The following PCSK2 variants were observed in gnomAD, a reference collection of about 807,000 sequenced individuals.
The protein encoded by PCSK2 is proprotein convertase subtilisin/kexin type 2.
A neutral mutation model predicts 69.7 loss-of-function variants in PCSK2; 14 were observed. The observed-to-expected ratio is 0.20, with a 90% CI of 0.13 to 0.31. PCSK2 has a LOEUF of 0.31. PCSK2 is among the 10% of genes least tolerant of loss of function. The pLI, the probability that PCSK2 is intolerant of heterozygous loss-of-function variation, is 1.00. For missense variants in PCSK2, 544 were observed against 842.5 expected (o/e 0.65, Z 4.39); for synonymous variants, 307 against 320.7 (o/e 0.96, Z 0.46).
At chr20:17,399,092 G>A (rs773908450) in intron 5 of PCSK2, among the ~76,000 whole-genome samples, 1 of 152,218 alleles carries the variant, frequency 6.6e-6, no homozygotes, top group Admixed American at 6.5e-5. Flanking sequence ...GAATGGAAAT[G>A]TTTGAAGTCA....
chr20:17,241,857 A>T (rs1020495806), intron 1 of PCSK2, among the ~76,000 whole-genome samples: 1 of 152,232 alleles, frequency 6.6e-6, no homozygotes, highest in South Asian at 2.1e-4. Flanking sequence ...TAGCTCACCT[A>T]ATAGGCACAT....
intron 1 of PCSK2, among the ~76,000 whole-genome samples, chr20:17,258,405 G>A (rs974589651): frequency 4.6e-5 from 7 of 152,084 alleles, no homozygotes; most frequent in African/African-American, 1.7e-4. Context: ...TTCTATAGCA[G>A]TAGATTTTTG....
chr20:17,265,400 G>T (rs1384590804), intron 2 of PCSK2, among the ~76,000 whole-genome samples: 1 of 152,050 alleles, frequency 6.6e-6, no homozygotes, highest in East Asian at 1.9e-4. Context: ...AAGGTCTGAG[G>T]TTGTGAGGTG....
intron 7 of PCSK2, among the ~76,000 whole-genome samples, chr20:17,432,392 C>T (rs1042063294): frequency 7.2e-5 from 11 of 152,120 alleles, no homozygotes; most frequent in Non-Finnish European, 1.3e-4. Context: ...CAAAAGTCAT[C>T]CTGCAGTCTT....
At chr20:17,404,783 C>T (rs62201041) in intron 5 of PCSK2, among the ~76,000 whole-genome samples, 12,996 of 152,282 alleles carry the variant, frequency 0.085, 638 homozygotes, top group Middle Eastern at 0.22. Flanking sequence ...CAAGAGGCCT[C>T]GGACATTGGT....
chr20:17,265,360 T>A (rs1486227299), intron 2 of PCSK2, among the ~76,000 whole-genome samples: 1 of 152,208 alleles, frequency 6.6e-6, no homozygotes, highest in East Asian at 1.9e-4. Context: ...GGCTGTTTTT[T>A]ATCCTTATAC....
intron 5 of PCSK2, among the ~76,000 whole-genome samples, chr20:17,383,737 AT>A (rs2031153813): frequency 6.6e-6 from 1 of 152,216 alleles, no homozygotes; most frequent in Non-Finnish European, 1.5e-5. Context: ...CTAGAAGAGA[AT>A]TTTCCAAATA....
At chr20:17,377,843 A>C (rs1270148185) in intron 5 of PCSK2, among the ~76,000 whole-genome samples, 1 of 152,270 alleles carries the variant, frequency 6.6e-6, no homozygotes, top group Non-Finnish European at 1.5e-5. Flanking sequence ...TGCTTTAAAA[A>C]TAGGGCAGAA....
At chr20:17,402,143 C>T (rs558608919) in intron 5 of PCSK2, among the ~76,000 whole-genome samples, 20 of 152,162 alleles carry the variant, frequency 1.3e-4, no homozygotes, top group Non-Finnish European at 2.6e-4. Flanking sequence ...CTGTTTGCTC[C>T]TTCCTGCAAT....
chr20:17,377,509 C>T (rs78519761), intron 5 of PCSK2, among the ~76,000 whole-genome samples: 515 of 152,338 alleles, frequency 3.4e-3, no homozygotes, highest in Middle Eastern at 0.01. Context: ...TACTCAGCCC[C>T]GAATGACTCA....
chr20:17,275,778 C>T (rs1016480267), intron 2 of PCSK2, among the ~76,000 whole-genome samples: 1 of 152,102 alleles, frequency 6.6e-6, no homozygotes, highest in South Asian at 2.1e-4. Flanking sequence ...ATTCAGAACT[C>T]TTGTCCCTCT....
At chr20:17,335,777 A>C (rs1185674055) in intron 2 of PCSK2, among the ~76,000 whole-genome samples, 1 of 151,616 alleles carries the variant, frequency 6.6e-6, no homozygotes, top group Non-Finnish European at 1.5e-5. Flanking sequence ...TGCTTTACTT[A>C]GAATAATGGT....
At chr20:17,451,257 C>T (rs2032816663) in intron 8 of PCSK2, among the ~76,000 whole-genome samples, 2 of 152,236 alleles carry the variant, frequency 1.3e-5, no homozygotes, top group Non-Finnish European at 2.9e-5. Context: ...TAACAGTGAG[C>T]TGGCTGCATA....
chr20:17,280,660 A>C (rs16998899), intron 2 of PCSK2, among the ~76,000 whole-genome samples: 15,702 of 152,288 alleles, frequency 0.1, 1,056 homozygotes, highest in South Asian at 0.28. Context: ...AGCTCTACCT[A>C]AGACAAATAG....
chr20:17,343,573 A>G (rs913082347), intron 2 of PCSK2, among the ~76,000 whole-genome samples: 3 of 152,218 alleles, frequency 2.0e-5, no homozygotes, highest in African/African-American at 7.2e-5. Flanking sequence ...AAGCCCTAGA[A>G]CTTGTGAATA....
intron 1 of PCSK2, among the ~76,000 whole-genome samples, chr20:17,241,320 G>T (rs963760190): frequency 1.3e-5 from 2 of 152,164 alleles, no homozygotes; most frequent in Non-Finnish European, 1.5e-5. Context: ...CAAGAGACTG[G>T]GAGATGAGGC....
intron 2 of PCSK2, among the ~76,000 whole-genome samples, chr20:17,294,677 T>G (rs1988829108): frequency 6.6e-6 from 1 of 152,238 alleles, no homozygotes; most frequent in Non-Finnish European, 1.5e-5. Flanking sequence ...TTATAATGTT[T>G]TTCCCCCTTG....
At chr20:17,445,359 ACTT>A (rs138039924) in intron 8 of PCSK2, among the ~76,000 whole-genome samples, 52,845 of 151,968 alleles carry the variant, frequency 0.35, 9,635 homozygotes, top group South Asian at 0.57. Flanking sequence ...CTACATCCCA[ACTT>A]CTTCTTAATC....
chr20:17,368,974 T>C (rs2123229600), intron 4 of PCSK2, among the ~76,000 whole-genome samples: 1 of 152,360 alleles, frequency 6.6e-6, no homozygotes. Flanking sequence ...AAATCTCTTT[T>C]AGATCAGTGC....
Sources: allele counts gnomAD v4.1 joint callset (sites outside exome capture counted in the v4.1 genomes callset), GRCh38; gene constraint gnomAD v4.1.1; transcripts MANE v1.5; gene names NCBI Gene and HGNC (gene_info 2026-07-23, HGNC 2026-07-21).